MUC17: variants seen among roughly 807,000 people sequenced by gnomAD.
MUC17 encodes mucin-17.
MUC17 carries 190 observed loss-of-function variants against 170.3 expected under a neutral mutation model. That is an observed-to-expected ratio of 1.12 (90% CI 0.99 to 1.26). The LOEUF is 1.26. Ranked by LOEUF, MUC17 falls within the 50% of genes most tolerant of loss-of-function variation. The probability of loss-of-function intolerance (pLI) is 0.00; values close to 1 mark genes in which losing one functional copy is unlikely to be tolerated. For synonymous variants in MUC17, 2,325 were observed against 2,002.5 expected (o/e 1.16, Z -4.30); for missense variants, 6,415 against 5,530.0 (o/e 1.16, Z -5.08).
In MUC17 at chr7:101,031,117, CA is replaced by C. The variant is rs1562802724; in HGVS notation, c.83-2del. On this transcript the variant is annotated splice_acceptor_variant, in intron 1 of 12. Coordinates refer to ENST00000306151, the MANE Select transcript of MUC17 (RefSeq NM_001040105.2). LOFTEE classifies it high-confidence loss of function. ...GATACTAACTCCCCTTTGTCTCTTTCAGACCTCAGTGTGAACAGGGCTGTGT... is the reference window on the plus strand; with the variant it reads ...GATACTAACTCCCCTTTGTCTCTTTCGACCTCAGTGTGAACAGGGCTGTGT... 1 of 1,608,226 alleles carries C rather than the reference CA, an allele frequency of 6.2e-7. No individual in the cohort carries two copies. Among genetic ancestry groups the C allele is most frequent in the Admixed American group, 1.7e-5 (1 of 59,346 alleles).
chr7:101,047,906 A>G, intron 3 of MUC17, 78 bp from the exon 4 acceptor site: 1 of 1,454,134 alleles, frequency 6.9e-7, no homozygotes, highest in Non-Finnish European at 9.1e-7. Flanking sequence ...ACATGTAACC[A>G]CAGTAGATCC....
Position 101,033,202 on chromosome 7 carries a change from G to A in MUC17, c.1786G>A (p.Asp596Asn), listed in dbSNP as rs1042851405. 7 of 1,613,872 alleles carry A rather than the reference G, an allele frequency of 4.3e-6. No homozygotes were observed. Among genetic ancestry groups the A allele is most frequent in the East Asian group, 2.2e-5 (1 of 44,872 alleles). The change falls in exon 3 of 13, where the codon GAC (aspartate) becomes AAC (asparagine). Residue 596 changes from aspartate to asparagine, a missense_variant. Transcript: ENST00000306151. ...TAGCACCACTTCAACAACTCCTGCT[G>A]ACTCCAACACTTTTGTGACCACTTC... ...EASTTSTTPA[D>N]SNTFVTTSSE... is the part of the protein sequence containing the mutation.
Position 101,037,342 on chromosome 7 carries a change from C to G in MUC17, c.5926C>G (p.Pro1976Ala), listed in dbSNP as rs1374052504. ...SPTTADGTSM[P>A]TPAYSEGSTP... ...TACAACTGCTGATGGTACCAGCATG[C>G]CAACCCCAGCTTATAGTGAAGGAAG... is the stretch of plus-strand genomic sequence containing the variant. Residue 1976 changes from proline (P) to alanine (A), a missense_variant, in exon 3 of 13, where the codon CCA becomes GCA. Transcript: ENST00000306151. The G allele has an allele frequency of 6.2e-7, 1 of 1,613,990 alleles. No individual in the cohort carries two copies. The highest frequency in any genetic ancestry group is 8.5e-7 in the Non-Finnish European group (1 of 1,179,996).
Position 101,053,396 on chromosome 7 carries a change from T to A in MUC17, c.13323T>A (p.Ala4441=). ...YKWQEEDSGP[A]PGTFQNIGFD... ...GGCAAGAAGAGGACAGTGGACCAGC[T>A]CCTGGGACCTTCCAAAACATTGGCT... The change falls in exon 11 of 13, where the codon GCT becomes GCA. Residue 4441 remains alanine, a synonymous_variant. Transcript: ENST00000306151. 1.9e-6 allele frequency: 3 copies of A among 1,614,098 alleles called. No homozygotes were observed. Among genetic ancestry groups the A allele is most frequent in the Non-Finnish European group, 2.5e-6 (3 of 1,180,010 alleles).
rs770464056 is a variant in MUC17, at chr7:101,043,634, C to T, written c.12218C>T (p.Thr4073Ile). ...PPTFPPAHSS[T>I]PPTTSASSTT... ...ACATTTCCTCCTGCTCACTCCAGTACACCTCCAACAACCTCTGCCTCCTCC... is the reference window on the plus strand; with the variant it reads ...ACATTTCCTCCTGCTCACTCCAGTATACCTCCAACAACCTCTGCCTCCTCC... Residue 4073 changes from threonine to isoleucine, a missense_variant, in exon 3 of 13, where the codon ACA (threonine) becomes ATA (isoleucine). Thr to Ile is a moderately conservative substitution (Grantham distance 89). Transcript: ENST00000306151. The T allele has an allele frequency of 4.4e-5, 71 of 1,614,018 alleles. 1 individual carries two copies. In the Admixed American group the frequency reaches 4.8e-4, roughly 11 times the overall value.
intron 1 of MUC17, among the ~76,000 whole-genome samples, chr7:101,030,047 A>G (rs1794248832): frequency 6.6e-6 from 1 of 152,204 alleles, no homozygotes; most frequent in Non-Finnish European, 1.5e-5. Context: ...TTAAATGTAT[A>G]TATTTTTAAA....
Position 101,053,126 on chromosome 7 carries a change from G to A in MUC17, c.13244G>A (p.Arg4415His), listed in dbSNP as rs374087771. The change falls in exon 10 of 13, where the codon CGC (arginine) becomes CAC (histidine). Residue 4415 changes from arginine (R) to histidine (H), a missense_variant. Transcript: ENST00000306151. ...GTAGCTCTCCTGATGCTCGTTTTCC[G>A]CTCCAAGAGAGAGGTGAAACGGTGA... is the stretch of plus-strand genomic sequence containing the variant. The part of the protein sequence containing the change: ...ILVALLMLVF[R>H]SKREVKRQKY... 126 of 1,613,726 alleles carry A rather than the reference G, an allele frequency of 7.8e-5. 1 individual carries two copies. The Middle Eastern group carries it at 8.2e-4, about 11-fold the overall frequency.
Position 101,042,513 on chromosome 7 carries a change from G to A in MUC17, c.11097G>A (p.Met3699Ile), listed in dbSNP as rs772976944. Residue 3699 changes from methionine to isoleucine, a missense_variant, in exon 3 of 13, where the codon ATG becomes ATA. Met to Ile is a conservative substitution (Grantham distance 10). Transcript: ENST00000306151. ...AAGGAAGCACTCCATTAACAACTAT[G>A]CCTGTCAGCACCACACGTGTGACCA... ...PSEGSTPLTT[M>I]PVSTTRVTSS... 11 of 1,613,734 alleles carry A rather than the reference G, an allele frequency of 6.8e-6. No homozygotes were observed. In the Admixed American group the frequency reaches 1.8e-4, roughly 27 times the overall value.
At chr7:101,051,080 C>T (rs1465730331) in intron 7 of MUC17, among the ~76,000 whole-genome samples, 1 of 151,684 alleles carries the variant, frequency 6.6e-6, no homozygotes, top group African/African-American at 2.4e-5. Context: ...AAGAAGGAGG[C>T]ATTGGGCAGG....
chr7:101,052,068 AG>A, intron 9 of MUC17, 106 bp downstream of exon 9: 12 of 1,323,068 alleles, frequency 9.1e-6, no homozygotes, highest in Non-Finnish European at 1.3e-5. Flanking sequence ...TCATGGGACT[AG>A]GTCCCAGCGT....
Position 101,042,389 on chromosome 7 carries a change from T to A in MUC17, c.10973T>A (p.Leu3658His). 1.2e-6 allele frequency: 2 copies of A among 1,611,594 alleles called. No homozygotes were observed. The highest frequency in any genetic ancestry group is 2.2e-5 in the South Asian group (2 of 90,884). The change falls in exon 3 of 13, where the codon CTT becomes CAT. Residue 3658 changes from leucine (L) to histidine (H), a missense_variant. Physicochemically the swap from Leu to His is moderately conservative, Grantham distance 99. Coordinates refer to ENST00000306151, the MANE Select transcript of MUC17 (RefSeq NM_001040105.2). ...TCTGAGGCTGGCACAGCTTCAACAC[T>A]TCCTGTTGACACCAGCACACCTGTG... is the stretch of plus-strand genomic sequence containing the variant. ...TISEAGTAST[L>H]PVDTSTPVIT... is the part of the protein sequence containing the mutation.
rs772033791 is a variant in MUC17 at position 101,053,154 on chromosome 7, G to C, written c.13265+7G>C. ...CCAAGAGAGAGGTGAAACGGTGAGC[G>C]AGCCCCTACCACCTCCTCTTCCAAC... On this transcript the variant is annotated splice_region_variant and intron_variant, in intron 10 of 12. Transcript: ENST00000306151. The C allele has an allele frequency of 3.1e-6, 5 of 1,611,714 alleles. No homozygotes were observed. In the Admixed American group the frequency reaches 5.0e-5, roughly 16 times the overall value.
At position 101,050,373 on chromosome 7, in the gene MUC17, G is replaced by GC. The variant is rs996379104; in HGVS notation, c.12723-106dup. The GC allele has an allele frequency of 4.2e-5, 62 of 1,480,464 alleles. No individual in the cohort carries two copies. The African/African-American group carries it at 7.7e-4, about 18-fold the overall frequency. 91.7% of individuals were successfully genotyped at this position (1,480,464 alleles called of 1,614,324 possible). ...ACAGAGTCATCACCCCAACTGTCCT[G>GC]CCCCCAGCTCTGCCTTCCCTTGGGA... is the stretch of plus-strand genomic sequence containing the variant. On this transcript the variant is annotated intron_variant, in intron 6 of 12. Coordinates refer to ENST00000306151, the MANE Select transcript of MUC17 (RefSeq NM_001040105.2).
At chr7:101,021,374 G>C (rs1794078609) in intron 1 of MUC17, among the ~76,000 whole-genome samples, 1 of 151,878 alleles carries the variant, frequency 6.6e-6, no homozygotes, top group African/African-American at 2.4e-5. Flanking sequence ...TTTTAGTAAG[G>C]ACAGGGTTTC....
rs11983379 is a variant in MUC17, at chr7:101,038,349, T to C, written c.6933T>C (p.Thr2311=). The change falls in exon 3 of 13, where the codon ACT becomes ACC. Residue 2311 remains threonine (T), a synonymous_variant. Coordinates refer to ENST00000306151, the MANE Select transcript of MUC17 (RefSeq NM_001040105.2). ...TTPVDSNTPF[T]TSTEASSPPP... Reference sequence around the variant, plus strand: ...CTGTTGACTCCAACACTCCTTTCACTACTTCTACTGAAGCCAGTTCACCTC... The same window carrying C: ...CTGTTGACTCCAACACTCCTTTCACCACTTCTACTGAAGCCAGTTCACCTC... The C allele has an allele frequency of 5.7e-4, 918 of 1,608,954 alleles. 8 individuals are homozygous for C. In the African/African-American group the frequency reaches 0.01, roughly 18 times the overall value.
In MUC17 at chr7:101,040,438, T is replaced by A. The variant is rs755538162; in HGVS notation, c.9022T>A (p.Ser3008Thr). Reference sequence around the variant, plus strand: ...GGCCAGTTCTGAGGCTAGCACCCTTTCAAGAACTCCTGCTGACACCAGCAC... The same window carrying A: ...GGCCAGTTCTGAGGCTAGCACCCTTACAAGAACTCCTGCTGACACCAGCAC... ...PVASSEASTL[S>T]RTPADTSTPV... is the part of the protein sequence containing the mutation. The change falls in exon 3 of 13, where the codon TCA (serine) becomes ACA (threonine). Residue 3008 changes from serine to threonine, a missense_variant. Coordinates refer to ENST00000306151, the MANE Select transcript of MUC17 (RefSeq NM_001040105.2). 6.2e-7 allele frequency: 1 copy of A among 1,611,528 alleles called. No homozygotes were observed. Among genetic ancestry groups the A allele is most frequent in the African/African-American group, 1.3e-5 (1 of 74,704 alleles).
rs1290357780 is a variant in MUC17, at chr7:101,039,752, G to A, written c.8336G>A (p.Ser2779Asn). ...GTTTCAACAACTGCTGTTGACACCA[G>A]CATACCTGTCACCACTTCTACTGAA... Reference protein sequence around the residue: ...STVSTTAVDTSIPVTTSTEAS... With the variant: ...STVSTTAVDTNIPVTTSTEAS... The change falls in exon 3 of 13, where the codon AGC becomes AAC. Residue 2779 changes from serine to asparagine, a missense_variant. Ser to Asn is a conservative substitution (Grantham distance 46, BLOSUM62 1). Transcript: ENST00000306151. 1 of 1,610,316 alleles carries A rather than the reference G, an allele frequency of 6.2e-7. No individual in the cohort carries two copies. Among genetic ancestry groups the A allele is most frequent in the Admixed American group, 1.7e-5 (1 of 59,672 alleles).
In MUC17 at chr7:101,040,938, G is replaced by C. The variant is rs1458813216; in HGVS notation, c.9522G>C (p.Met3174Ile). ...TPLTYMPVST[M>I]LVVSSEDSTL... ...TAACATATATGCCTGTCAGCACCAT[G>C]CTGGTAGTCAGTTCTGAGGATAGCA... The change falls in exon 3 of 13, where the codon ATG becomes ATC. Residue 3174 changes from methionine to isoleucine, a missense_variant. Coordinates refer to ENST00000306151, the MANE Select transcript of MUC17 (RefSeq NM_001040105.2). 1 of 1,610,178 alleles carries C rather than the reference G, an allele frequency of 6.2e-7. No individual in the cohort carries two copies. The highest frequency in any genetic ancestry group is 8.5e-7 in the Non-Finnish European group (1 of 1,179,118).
In MUC17 at chr7:101,051,679, A is replaced by G; in HGVS notation, c.12941A>G (p.Glu4314Gly). ...QNITVTQYDP[E>G]EDCRKMAKEY... The stretch of plus-strand genomic sequence containing the variant: ...ATTACGGTGACCCAGTACGACCCTG[A>G]AGGTAGGTGATAACACAAGGGGTTT... The change falls in exon 8 of 13, where the codon GAA (glutamate) becomes GGA (glycine). Residue 4314 changes from glutamate to glycine, a missense_variant and splice_region_variant. Coordinates refer to ENST00000306151, the MANE Select transcript of MUC17 (RefSeq NM_001040105.2). 3 of 1,611,392 alleles carry G rather than the reference A, an allele frequency of 1.9e-6. No individual in the cohort carries two copies. The highest frequency in any genetic ancestry group is 2.5e-6 in the Non-Finnish European group (3 of 1,179,208).
Sources: allele counts gnomAD v4.1 joint callset (sites outside exome capture counted in the v4.1 genomes callset), GRCh38; gene constraint gnomAD v4.1.1; transcripts MANE v1.5; gene names NCBI Gene and HGNC (gene_info 2026-07-23, HGNC 2026-07-21).